Variants in DOCK1 observed in about 807,000 individuals in gnomAD.
DOCK1 encodes dedicator of cytokinesis protein 1.
Under a neutral mutation model 262.7 loss-of-function variants are expected in DOCK1, and 138 were observed. The ratio of observed to expected loss-of-function variants is 0.53; its 90% CI spans 0.46 to 0.61. The LOEUF is 0.61. Among genes scored for constraint, DOCK1 ranks in the 20% least tolerant of loss-of-function variants. The pLI, the probability that DOCK1 is intolerant of heterozygous loss-of-function variation, is 0.00. For synonymous variants in DOCK1, 866 were observed against 867.4 expected, an observed-to-expected ratio of 1.00 and a Z score of 0.03; for missense variants, 1,908 against 2,370.7, an observed-to-expected ratio of 0.80 and a Z score of 4.05.
intron 27 of DOCK1, among the ~76,000 whole-genome samples, chr10:127,221,764 T>C (rs1349746086): frequency 3.3e-5 from 5 of 152,244 alleles, no homozygotes; most frequent in Non-Finnish European, 7.3e-5. Context: ...AGTCAGAATG[T>C]GGCTTGAAAT....
chr10:127,275,488 G>A (rs1345797850), intron 29 of DOCK1, among the ~76,000 whole-genome samples: 1 of 152,172 alleles, frequency 6.6e-6, no homozygotes, highest in Admixed American at 6.5e-5. Flanking sequence ...TTTTCATGGC[G>A]CTCAGGGTCA....
At chr10:127,321,722 C>T (rs2062539596) in intron 29 of DOCK1, among the ~76,000 whole-genome samples, 2 of 150,538 alleles carry the variant, frequency 1.3e-5, no homozygotes, top group East Asian at 2.0e-4. Context: ...CCCCTCCCCC[C>T]GCCGCCCCTG....
At chr10:126,993,689 A>G (rs775511899) in intron 6 of DOCK1, among the ~76,000 whole-genome samples, 1 of 152,232 alleles carries the variant, frequency 6.6e-6, no homozygotes, top group Admixed American at 6.5e-5. Context: ...AAAAGCCTCT[A>G]TTTGTTTAAA....
chr10:126,948,223 G>GGTA (rs2035740019), intron 1 of DOCK1, among the ~76,000 whole-genome samples: 1 of 25,714 alleles, frequency 3.9e-5, no homozygotes, highest in Non-Finnish European at 9.3e-5. Context: ...TGATGGTGGT[G>GGTA]GTTGGTAGTA....
At chr10:127,169,889 C>T (rs117608872) in intron 27 of DOCK1, among the ~76,000 whole-genome samples, 1 of 152,112 alleles carries the variant, frequency 6.6e-6, no homozygotes. Flanking sequence ...TACCACACTT[C>T]GTCTGTATTA....
chr10:127,125,613 C>T lies in DOCK1; in HGVS notation c.2751+12C>T. On this transcript the variant is annotated intron_variant, in intron 26 of 51. Transcript: ENST00000623213. ...ACAGGAAGGACGTGGTGAGTGTTGGCTCTGTGCGTGACGTCCTGCCATTTG... is the reference window on the plus strand; with the variant it reads ...ACAGGAAGGACGTGGTGAGTGTTGGTTCTGTGCGTGACGTCCTGCCATTTG... 2 of 1,610,464 alleles carry T rather than the reference C, an allele frequency of 1.2e-6. No homozygotes were observed. Among genetic ancestry groups the T allele is most frequent in the Non-Finnish European group, 8.5e-7 (1 of 1,178,546 alleles).
At chr10:126,959,067 A>G (rs888773682) in intron 1 of DOCK1, among the ~76,000 whole-genome samples, 26 of 152,324 alleles carry the variant, frequency 1.7e-4, no homozygotes, top group South Asian at 6.2e-4. Flanking sequence ...GTGAATTTAA[A>G]CATTTTCTGG....
intron 1 of DOCK1, among the ~76,000 whole-genome samples, chr10:126,948,005 T>TTGG (rs1329805032): frequency 4.6e-5 from 6 of 130,744 alleles, no homozygotes; most frequent in African/African-American, 1.5e-4. Context: ...AGTATTACTG[T>TTGG]TGGTGGTGGT....
chr10:127,266,897 C>T (rs2060381456), intron 29 of DOCK1, among the ~76,000 whole-genome samples: 1 of 152,144 alleles, frequency 6.6e-6, no homozygotes, highest in African/African-American at 2.4e-5. Flanking sequence ...GGCACCAGGG[C>T]CACAGTTCTC....
intron 40 of DOCK1, among the ~76,000 whole-genome samples, chr10:127,406,907 G>T (rs2067548553): frequency 6.6e-6 from 1 of 152,020 alleles, no homozygotes; most frequent in South Asian, 2.1e-4. Context: ...TTTGATAGTA[G>T]TCTGTTATCC....
intron 38 of DOCK1, among the ~76,000 whole-genome samples, chr10:127,394,812 G>T (rs544676893): frequency 2.6e-5 from 4 of 152,104 alleles, no homozygotes; most frequent in Admixed American, 2.6e-4. Flanking sequence ...GTGAAATACC[G>T]AGATGGAGCC....
chr10:127,414,961 G>A (rs552427238), intron 43 of DOCK1, among the ~76,000 whole-genome samples, 191 bp from the exon 44 acceptor site: 3 of 152,306 alleles, frequency 2.0e-5, no homozygotes, highest in East Asian at 3.9e-4. Flanking sequence ...TATCCTGAGC[G>A]ACCGTTAGGT....
chr10:126,912,667 A>G (rs10794137), intron 1 of DOCK1, among the ~76,000 whole-genome samples: 55,438 of 149,610 alleles, frequency 0.37, 12,278 homozygotes, highest in Non-Finnish European at 0.51. Context: ...CGGAGCTTGC[A>G]GTGAGCCGAG....
Position 127,419,583 on chromosome 10 carries a change from C to A in DOCK1, c.4693-83C>A. ...GATCTGTTTTATGCACAGCTCTATT[C>A]TCAGGGCCTGGCACACAGTAAGTGT... On this transcript the variant is annotated intron_variant, in intron 45 of 51. Coordinates refer to ENST00000623213, the MANE Select transcript of DOCK1 (RefSeq NM_001290223.2). The A allele has an allele frequency of 3.7e-6, 5 of 1,337,894 alleles. No individual in the cohort carries two copies. The Admixed American group carries it at 7.9e-5, about 21-fold the overall frequency. 82.9% of individuals were successfully genotyped at this position (1,337,894 alleles called of 1,614,324 possible).
chr10:127,052,026 A>T (rs1046360061), intron 21 of DOCK1, among the ~76,000 whole-genome samples: 1 of 152,076 alleles, frequency 6.6e-6, no homozygotes, highest in African/African-American at 2.4e-5. Flanking sequence ...TTATTGTTTA[A>T]CCTTGGGGAA....
chr10:127,007,479 G>A (rs769471609), intron 10 of DOCK1: 5 of 152,222 alleles, frequency 3.3e-5, no homozygotes, highest in Non-Finnish European at 5.9e-5. Context: ...AATAAACAAG[G>A]CATCTTCCTC....
intron 33 of DOCK1, among the ~76,000 whole-genome samples, chr10:127,368,823 C>T (rs543030141): frequency 6.6e-6 from 1 of 152,306 alleles, no homozygotes; most frequent in Admixed American, 6.5e-5. Context: ...AAATTCCCTC[C>T]TGGCATCTTT....
At chr10:126,994,168 A>G (rs2040001386) in intron 6 of DOCK1, among the ~76,000 whole-genome samples, 1 of 152,172 alleles carries the variant, frequency 6.6e-6, no homozygotes, top group Non-Finnish European at 1.5e-5. Flanking sequence ...GCCAGAACCT[A>G]CTGCCAGATC....
At chr10:127,174,948 A>G (rs1427003970) in intron 27 of DOCK1, among the ~76,000 whole-genome samples, 6 of 152,240 alleles carry the variant, frequency 3.9e-5, no homozygotes, top group Admixed American at 6.5e-5. Flanking sequence ...GGAAAGGTCT[A>G]TCAATTCATT....
Sources: gnomAD v4.1 joint callset for allele counts (sites outside exome capture counted in the v4.1 genomes callset) on GRCh38, gnomAD v4.1.1 for gene constraint, MANE v1.5 for transcripts, NCBI Gene and HGNC (gene_info 2026-07-23, HGNC 2026-07-21) for gene names.